The following MFHAS1 variants were observed in gnomAD, a reference collection of about 807,000 sequenced individuals.
MFHAS1 encodes the protein multifunctional ROCO family signaling regulator 1, also known as malignant fibrous histiocytoma-amplified sequence 1.
In MFHAS1, 50 loss-of-function variants were observed where a neutral mutation model predicts 70.4. The observed-to-expected ratio is 0.71, with a 90% CI of 0.57 to 0.90. The LOEUF is 0.90. Ranked by LOEUF, MFHAS1 falls within the 40% of genes least tolerant of loss-of-function variation. MFHAS1 has a pLI of 0.00. For synonymous variants in MFHAS1, 952 were observed against 620.0 expected, an observed-to-expected ratio of 1.54 and a Z score of -7.96; for missense variants, 1,795 against 1,347.6, an observed-to-expected ratio of 1.33 and a Z score of -5.20.
chr8:8,889,667 C>T (rs79259526), intron 1 of MFHAS1, among the ~76,000 whole-genome samples: 3 of 152,214 alleles, frequency 2.0e-5, no homozygotes, highest in African/African-American at 7.2e-5. Flanking sequence ...TCATCTACCC[C>T]TTTGAGACGT....
chr8:8,875,360 G>C (rs1049595254), intron 1 of MFHAS1, among the ~76,000 whole-genome samples: 4 of 152,150 alleles, frequency 2.6e-5, no homozygotes, highest in Non-Finnish European at 5.9e-5. Flanking sequence ...AAATCACCTT[G>C]ATGTACTATT....
At chr8:8,794,312 C>T (rs891369058) in intron 2 of MFHAS1, among the ~76,000 whole-genome samples, 9 of 152,210 alleles carry the variant, frequency 5.9e-5, no homozygotes, top group African/African-American at 2.2e-4. Context: ...CCCCAAGTCT[C>T]AGGCTCAGGC....
At chr8:8,830,607 A>G (rs1294251114) in intron 1 of MFHAS1, among the ~76,000 whole-genome samples, 1 of 152,098 alleles carries the variant, frequency 6.6e-6, no homozygotes, top group Non-Finnish European at 1.5e-5. Flanking sequence ...ATCCTATCCT[A>G]TATATTTCTT....
At chr8:8,807,409 C>G (rs961825257) in intron 1 of MFHAS1, among the ~76,000 whole-genome samples, 3 of 152,128 alleles carry the variant, frequency 2.0e-5, no homozygotes, top group Non-Finnish European at 4.4e-5. Context: ...CCCTAATCCT[C>G]ACTTACTGCC....
chr8:8,789,593 A>C (rs1171667910), intron 2 of MFHAS1, among the ~76,000 whole-genome samples: 1 of 152,196 alleles, frequency 6.6e-6, no homozygotes, highest in African/African-American at 2.4e-5. Context: ...AACTGAAGCC[A>C]TGGCATGTTG....
Position 8,890,193 on chromosome 8 carries a change from A to AT in MFHAS1, c.2865dup (p.Trp956MetfsTer31). ...TCCACCAAGGGGGTTATGGCTTGCC[A>AT]TGCGGTCCATATATTTGGTAATGAT... On this transcript the variant is annotated frameshift_variant, in exon 1 of 3. Coordinates refer to ENST00000276282, the MANE Select transcript of MFHAS1 (RefSeq NM_004225.3). LOFTEE classifies it high-confidence loss of function. The AT allele has an allele frequency of 6.2e-7, 1 of 1,614,184 alleles. No individual in the cohort carries two copies. Among genetic ancestry groups the AT allele is most frequent in the Non-Finnish European group, 8.5e-7 (1 of 1,180,044 alleles).
chr8:8,805,621 G>T (rs1324642773), intron 1 of MFHAS1, among the ~76,000 whole-genome samples: 1 of 152,190 alleles, frequency 6.6e-6, no homozygotes, highest in Non-Finnish European at 1.5e-5. Context: ...GACCGGCACA[G>T]TTCAAACTCG....
chr8:8,868,800 C>T (rs1808959399), intron 1 of MFHAS1, among the ~76,000 whole-genome samples: 1 of 152,082 alleles, frequency 6.6e-6, no homozygotes, highest in African/African-American at 2.4e-5. Flanking sequence ...CCATAGTCAT[C>T]GCTACTTCAT....
chr8:8,844,403 T>C (rs1435661665), intron 1 of MFHAS1, among the ~76,000 whole-genome samples: 1 of 152,216 alleles, frequency 6.6e-6, no homozygotes, highest in Non-Finnish European at 1.5e-5. Flanking sequence ...AAAACATGAC[T>C]CTATTCACAC....
intron 1 of MFHAS1, among the ~76,000 whole-genome samples, chr8:8,854,325 T>C (rs183694917): frequency 6.6e-6 from 1 of 152,064 alleles, no homozygotes; most frequent in East Asian, 1.9e-4. Flanking sequence ...ATCAAGACCA[T>C]CCTGGCTAAC....
chr8:8,797,563 C>T, intron 1 of MFHAS1, 72 bp from the exon 2 acceptor site: 1 of 1,524,082 alleles, frequency 6.6e-7, no homozygotes, highest in Non-Finnish European at 9.0e-7. Flanking sequence ...AAAGACAGCA[C>T]TGCCCGGGGA....
intron 1 of MFHAS1, among the ~76,000 whole-genome samples, chr8:8,799,110 C>T (rs564342683): frequency 6.6e-6 from 1 of 151,890 alleles, no homozygotes; most frequent in East Asian, 1.9e-4. Context: ...GCAGTCCCCC[C>T]TTATCCCTCA....
intron 1 of MFHAS1, among the ~76,000 whole-genome samples, chr8:8,815,640 T>A (rs920386443): frequency 6.6e-6 from 1 of 152,226 alleles, no homozygotes; most frequent in African/African-American, 2.4e-5. Context: ...TTTTTTCATA[T>A]GTTTGTTGCA....
chr8:8,812,168 G>C, intron 1 of MFHAS1, among the ~76,000 whole-genome samples: 1 of 119,108 alleles, frequency 8.4e-6, no homozygotes, highest in Non-Finnish European at 1.9e-5. Context: ...GCTCGGAGAA[G>C]CCCGTAAGTG....
chr8:8,815,097 A>C (rs185259373), intron 1 of MFHAS1, among the ~76,000 whole-genome samples: 4 of 152,084 alleles, frequency 2.6e-5, no homozygotes, highest in Admixed American at 2.6e-4. Flanking sequence ...GCTCCCACTT[A>C]TGAGTGACAA....
intron 1 of MFHAS1, among the ~76,000 whole-genome samples, chr8:8,888,729 G>A (rs1473958356): frequency 6.6e-6 from 1 of 152,168 alleles, no homozygotes; most frequent in Non-Finnish European, 1.5e-5. Flanking sequence ...GAGCACAGAG[G>A]ATTTTTAAAG....
chr8:8,843,220 G>A (rs1013258486), intron 1 of MFHAS1, among the ~76,000 whole-genome samples: 1 of 149,156 alleles, frequency 6.7e-6, no homozygotes, highest in Admixed American at 6.7e-5. Flanking sequence ...AGTGAGCCGA[G>A]ATTGCGCCAC....
intron 1 of MFHAS1, among the ~76,000 whole-genome samples, chr8:8,803,061 T>G (rs73519958): frequency 0.029 from 4,433 of 151,756 alleles, 226 homozygotes; most frequent in African/African-American, 0.1. Flanking sequence ...TTAAGGGGTT[T>G]TGGGGATTCA....
intron 1 of MFHAS1, among the ~76,000 whole-genome samples, chr8:8,817,614 G>A (rs955574873): frequency 3.3e-5 from 5 of 152,188 alleles, no homozygotes; most frequent in Admixed American, 6.5e-5. Context: ...CGCCCCTCCT[G>A]TTCTCCTTGC....
Sources: allele counts gnomAD v4.1 joint callset (sites outside exome capture counted in the v4.1 genomes callset), GRCh38; gene constraint gnomAD v4.1.1; transcripts MANE v1.5; gene names NCBI Gene and HGNC (gene_info 2026-07-23, HGNC 2026-07-21).